Variants in PRDX6 observed in about 807,000 individuals in gnomAD.
PRDX6 encodes peroxiredoxin 6, also known as peroxiredoxin-6.
A neutral mutation model predicts 20.0 loss-of-function variants in PRDX6; 13 were observed. That is an observed-to-expected ratio of 0.65 (90% CI 0.42 to 1.03). The LOEUF is 1.03. PRDX6 is among the 50% of genes least tolerant of loss of function. PRDX6 has a pLI of 0.00. For missense variants in PRDX6, 203 were observed against 276.9 expected (o/e 0.73, Z 1.89); for synonymous variants, 85 against 100.8 (o/e 0.84, Z 0.94).
chr1:173,485,249 T>C (rs2101859290), intron 2 of PRDX6, 112 bp from the exon 3 acceptor site: 2 of 1,052,234 alleles, frequency 1.9e-6, no homozygotes, highest in East Asian at 2.6e-5. Context: ...TTAAAGAAAA[T>C]TACTGTGATT....
Position 173,487,936 on chromosome 1 carries a change from T to A in PRDX6, c.*73T>A. ...ATTGTGTTTTCCTGCAGCAATTCCATAAACACATCCTGGTGTCATCACAGC... is the reference window on the plus strand; with the variant it reads ...ATTGTGTTTTCCTGCAGCAATTCCAAAAACACATCCTGGTGTCATCACAGC... On this transcript the variant is annotated 3_prime_UTR_variant, in exon 5 of 5. Transcript: ENST00000340385. 2.5e-6 allele frequency: 4 copies of A among 1,585,986 alleles called. No homozygotes were observed. The highest frequency in any genetic ancestry group is 3.4e-6 in the Non-Finnish European group (4 of 1,161,928).
intron 2 of PRDX6, chr1:173,481,727 T>C: frequency 2.3e-6 from 1 of 438,346 alleles, no homozygotes; most frequent in Non-Finnish European, 4.1e-6. Flanking sequence ...CCTGAAACTT[T>C]TTCCTTTCTT....
At position 173,486,252 on chromosome 1, in the gene PRDX6, C is replaced by T. The variant is rs1658894872; in HGVS notation, c.400-3C>T. On this transcript the variant is annotated splice_polypyrimidine_tract_variant and splice_region_variant and intron_variant, in intron 3 of 4. Coordinates refer to ENST00000340385, the MANE Select transcript of PRDX6 (RefSeq NM_004905.3). ...CCTATTTATGCCCCTCTGTGCTTTACAGGTGTTTGTTTTTGGTCCTGATAA... is the reference window on the plus strand; with the variant it reads ...CCTATTTATGCCCCTCTGTGCTTTATAGGTGTTTGTTTTTGGTCCTGATAA... The T allele has an allele frequency of 6.2e-7, 1 of 1,600,748 alleles. No individual in the cohort carries two copies. The highest frequency in any genetic ancestry group is 1.1e-5 in the South Asian group (1 of 88,424).
intron 4 of PRDX6, 64 bp downstream of exon 4, chr1:173,486,465 C>A: frequency 6.6e-7 from 1 of 1,511,866 alleles, no homozygotes. Context: ...AAATGGCCAA[C>A]TTCAAGGTCT....
intron 2 of PRDX6, among the ~76,000 whole-genome samples, chr1:173,484,920 A>T (rs35224644): frequency 0.02 from 3,023 of 149,624 alleles, 96 homozygotes; most frequent in African/African-American, 0.069. Flanking sequence ...TGAGGTAGGG[A>T]CCAGATCTAT....
chr1:173,482,752 C>T (rs1203061468), intron 2 of PRDX6, among the ~76,000 whole-genome samples: 2 of 152,164 alleles, frequency 1.3e-5, no homozygotes, highest in Non-Finnish European at 2.9e-5. Context: ...ATATCTGAGA[C>T]TAGAAGAATC....
At chr1:173,486,687 T>G (rs1557998173) in intron 4 of PRDX6, among the ~76,000 whole-genome samples, 1 of 152,216 alleles carries the variant, frequency 6.6e-6, no homozygotes, top group Non-Finnish European at 1.5e-5. Context: ...AAAAAAAATT[T>G]TATCTAACCC....
chr1:173,480,457 TC>T (rs1195579339), intron 1 of PRDX6, among the ~76,000 whole-genome samples: 1 of 152,220 alleles, frequency 6.6e-6, no homozygotes, highest in Non-Finnish European at 1.5e-5. Context: ...AAGAGTAGTT[TC>T]TGTTGCCAAG....
intron 2 of PRDX6, among the ~76,000 whole-genome samples, chr1:173,484,152 T>TATTTA (rs1658855691): frequency 1.5e-4 from 18 of 118,668 alleles, no homozygotes; most frequent in Admixed American, 1.1e-3. Flanking sequence ...ATATATATAT[T>TATTTA]TATATATATA....
chr1:173,484,169 T>C (rs1278696174), intron 2 of PRDX6, among the ~76,000 whole-genome samples: 1 of 106,906 alleles, frequency 9.4e-6, no homozygotes, highest in African/African-American at 4.5e-5. Context: ...TATATATATT[T>C]ATATATATAC....
At position 173,485,584 on chromosome 1, in the gene PRDX6, G is replaced by C. The variant is rs1300157695; in HGVS notation, c.399+77G>C. On this transcript the variant is annotated intron_variant, in intron 3 of 4. Transcript: ENST00000340385. ...TCCGTGTAAATGCTGGTACCAGCTA[G>C]AGGAGATAGGGGAATATCTACGATT... 5.4e-6 allele frequency: 7 copies of C among 1,286,642 alleles called. No homozygotes were observed. In the African/African-American group the frequency reaches 9.1e-5, roughly 17 times the overall value. 79.7% of individuals were successfully genotyped at this position (1,286,642 alleles called of 1,614,324 possible). A position where few individuals can be genotyped will look rare whatever the true frequency, so the allele number is the denominator to read the frequency against.
intron 3 of PRDX6, 132 bp from the exon 4 acceptor site, chr1:173,486,123 G>T: frequency 1.5e-6 from 1 of 681,146 alleles, no homozygotes; most frequent in Non-Finnish European, 2.2e-6. Context: ...AGCAGTTGGT[G>T]TATCCTTCTA....
chr1:173,487,144 A>G (rs1658915114), intron 4 of PRDX6, among the ~76,000 whole-genome samples: 1 of 152,222 alleles, frequency 6.6e-6, no homozygotes, highest in East Asian at 1.9e-4. Flanking sequence ...TTAAGTGGTG[A>G]TAACAGGTGC....
intron 2 of PRDX6, among the ~76,000 whole-genome samples, chr1:173,484,171 T>C (rs1433559202): frequency 3.9e-5 from 5 of 127,030 alleles, no homozygotes; most frequent in African/African-American, 2.1e-4. Flanking sequence ...TATATATTTA[T>C]ATATATACAC....
chr1:173,486,467 T>TCAAG, intron 4 of PRDX6, 66 bp downstream of exon 4: 1 of 1,510,178 alleles, frequency 6.6e-7, no homozygotes, highest in South Asian at 1.3e-5. Flanking sequence ...ATGGCCAACT[T>TCAAG]CAAGGTCTGT....
chr1:173,479,441 T>C (rs1441723282), intron 1 of PRDX6, among the ~76,000 whole-genome samples: 3 of 152,206 alleles, frequency 2.0e-5, no homozygotes, highest in Non-Finnish European at 4.4e-5. Flanking sequence ...TCCAGGTATT[T>C]TTGAGAAGAA....
chr1:173,485,504 T>C lies in PRDX6; in HGVS notation c.396T>C (p.Arg132=). 6.3e-7 allele frequency: 1 copy of C among 1,590,888 alleles called. No homozygotes were observed. The highest frequency in any genetic ancestry group is 8.6e-7 in the Non-Finnish European group (1 of 1,167,252). Residue 132 remains arginine (R), a synonymous_variant, in exon 3 of 5, where the codon CGT becomes CGC. Transcript: ENST00000340385. ...KDEKGMPVTA[R]VVFVFGPDKK... ...AAAAGGGCATGCCTGTGACAGCTCG[T>C]GTGGTAGGTCATACAAATTCATTTT...
chr1:173,485,582 T>C, intron 3 of PRDX6, 75 bp downstream of exon 3: 2 of 1,296,190 alleles, frequency 1.5e-6, no homozygotes, highest in East Asian at 2.6e-5. Context: ...TGGTACCAGC[T>C]AGAGGAGATA....
chr1:173,477,550 C>A, intron 1 of PRDX6, 58 bp downstream of exon 1: 1 of 1,396,036 alleles, frequency 7.2e-7, no homozygotes, highest in Non-Finnish European at 9.9e-7. Context: ...TCGGAGGTGC[C>A]TTCCCTGTTT....
Sources: gnomAD v4.1 joint callset for allele counts (sites outside exome capture counted in the v4.1 genomes callset) on GRCh38, gnomAD v4.1.1 for gene constraint, MANE v1.5 for transcripts, NCBI Gene and HGNC (gene_info 2026-07-23, HGNC 2026-07-21) for gene names.